Variants in BMPR1B observed in about 807,000 individuals in gnomAD.
BMPR1B encodes the protein bone morphogenetic protein receptor type-1B.
BMPR1B carries 12 observed loss-of-function variants against 59.1 expected under a neutral mutation model. That is an observed-to-expected ratio of 0.20 (90% CI 0.13 to 0.33). The LOEUF (loss-of-function observed/expected upper bound fraction) is 0.33, where lower values mean the gene tolerates loss of function less well. BMPR1B is among the 10% of genes least tolerant of loss of function. The probability of loss-of-function intolerance (pLI) is 1.00; values close to 1 mark genes in which losing one functional copy is unlikely to be tolerated. For synonymous variants in BMPR1B, 237 were observed against 207.3 expected, an observed-to-expected ratio of 1.14 and a Z score of -1.23; for missense variants, 550 against 610.9, an observed-to-expected ratio of 0.90 and a Z score of 1.05.
intron 1 of BMPR1B, among the ~76,000 whole-genome samples, chr4:94,847,922 A>G: frequency 6.6e-6 from 1 of 152,172 alleles, no homozygotes; most frequent in Non-Finnish European, 1.5e-5. Flanking sequence ...AAAGAGTATA[A>G]TTGGATTTTT....
At chr4:95,121,961 G>T (rs987351847) in intron 6 of BMPR1B, among the ~76,000 whole-genome samples, 1 of 152,132 alleles carries the variant, frequency 6.6e-6, no homozygotes, top group Non-Finnish European at 1.5e-5. Flanking sequence ...GAAGCCTTAT[G>T]GCAGAATCTT....
chr4:95,131,165 C>G lies in BMPR1B; in HGVS notation c.779-50C>G, dbSNP rs747606461. ...ATGATGTTTGAGAATATGAATTATT[C>G]CTGATACTATTTGGAAAACACTAAA... On this transcript the variant is annotated intron_variant, in intron 9 of 12. Transcript: ENST00000515059. The G allele has an allele frequency of 2.0e-6, 3 of 1,535,058 alleles. No homozygotes were observed. In the African/African-American group the frequency reaches 4.1e-5, roughly 21 times the overall value.
intron 3 of BMPR1B, among the ~76,000 whole-genome samples, chr4:95,020,929 T>C (rs1723938177): frequency 6.6e-6 from 1 of 152,262 alleles, no homozygotes; most frequent in East Asian, 1.9e-4. Context: ...TTGCCCAGGC[T>C]GATCTCAAAC....
At chr4:94,805,280 T>C (rs906100042) in intron 1 of BMPR1B, among the ~76,000 whole-genome samples, 2 of 152,178 alleles carry the variant, frequency 1.3e-5, no homozygotes, top group African/African-American at 4.8e-5. Context: ...TAAGAGCTAA[T>C]TAACTTTGTT....
At chr4:94,959,015 C>A (rs1358280355) in intron 2 of BMPR1B, among the ~76,000 whole-genome samples, 1 of 152,008 alleles carries the variant, frequency 6.6e-6, no homozygotes, top group Non-Finnish European at 1.5e-5. Context: ...GGAAAAGAGC[C>A]TGAAGTGTGG....
chr4:94,890,146 G>A (rs537231632), intron 2 of BMPR1B, among the ~76,000 whole-genome samples: 1 of 152,172 alleles, frequency 6.6e-6, no homozygotes, highest in South Asian at 2.1e-4. Flanking sequence ...ATTATGAAAT[G>A]TACTAAATCT....
At chr4:95,111,162 C>A (rs184441856) in intron 4 of BMPR1B, among the ~76,000 whole-genome samples, 2 of 152,160 alleles carry the variant, frequency 1.3e-5, no homozygotes, top group African/African-American at 4.8e-5. Context: ...CAGATAGATA[C>A]CCATCATATA....
chr4:94,781,073 T>G (rs746904289), intron 1 of BMPR1B, among the ~76,000 whole-genome samples: 2 of 152,208 alleles, frequency 1.3e-5, no homozygotes, highest in Admixed American at 1.3e-4. Flanking sequence ...TTCTGATGGC[T>G]AATGATATCA....
chr4:94,926,532 A>G (rs76360313), intron 2 of BMPR1B, among the ~76,000 whole-genome samples: 2,264 of 152,136 alleles, frequency 0.015, 51 homozygotes, highest in African/African-American at 0.052. Flanking sequence ...TTGAATGGAT[A>G]CTCTGGGGAC....
chr4:95,023,537 A>G (rs1724138619), intron 3 of BMPR1B, among the ~76,000 whole-genome samples: 1 of 121,020 alleles, frequency 8.3e-6, no homozygotes, highest in Admixed American at 9.1e-5. Context: ...ATGTGCCACC[A>G]TGCCTGGCTA....
rs368134562 is a variant in BMPR1B, at chr4:94,992,319, G to A, written c.-112-3721G>A. ...GAGAAATGCAGGATACAGCAAATCC[G>A]TCCTGAGTTTGTGAGTGCACTGTTT... On this transcript the variant is annotated intron_variant, in intron 2 of 12. Transcript: ENST00000515059. Among the ~76,000 whole-genome samples, 357 of 152,266 alleles carry A rather than the reference G, an allele frequency of 2.3e-3. 1 individual carries two copies. Among genetic ancestry groups the A allele is most frequent in the African/African-American group, 8.3e-3 (344 of 41,536 alleles).
At chr4:94,787,742 G>A (rs962976812) in intron 1 of BMPR1B, among the ~76,000 whole-genome samples, 2 of 152,048 alleles carry the variant, frequency 1.3e-5, no homozygotes, top group Admixed American at 6.6e-5. Flanking sequence ...TTGTTACAGG[G>A]GCTCTAGGCG....
At chr4:94,980,641 G>A (rs533605447) in intron 2 of BMPR1B, among the ~76,000 whole-genome samples, 6 of 152,256 alleles carry the variant, frequency 3.9e-5, no homozygotes, top group Non-Finnish European at 8.8e-5. Context: ...TGAGGTAATG[G>A]TGTCCTGTCC....
intron 3 of BMPR1B, among the ~76,000 whole-genome samples, chr4:95,001,520 G>A (rs963017904): frequency 1.3e-5 from 2 of 152,038 alleles, no homozygotes; most frequent in Admixed American, 1.3e-4. Flanking sequence ...AATAGAACAT[G>A]GCACATAGTC....
At chr4:94,929,580 TG>T (rs755841760) in intron 2 of BMPR1B, among the ~76,000 whole-genome samples, 23 of 152,248 alleles carry the variant, frequency 1.5e-4, no homozygotes, top group Non-Finnish European at 3.1e-4. Context: ...GCTGCTGCTT[TG>T]GTTCCTTTGC....
At chr4:95,017,403 T>C (rs1041150206) in intron 3 of BMPR1B, among the ~76,000 whole-genome samples, 3 of 152,154 alleles carry the variant, frequency 2.0e-5, no homozygotes, top group Non-Finnish European at 2.9e-5. Flanking sequence ...ACGAGGGACT[T>C]TTTTGCATGT....
chr4:94,904,037 A>T (rs1727934495), intron 2 of BMPR1B, among the ~76,000 whole-genome samples: 1 of 152,050 alleles, frequency 6.6e-6, no homozygotes, highest in African/African-American at 2.4e-5. Flanking sequence ...CTACATTTTA[A>T]TAGACAGTAA....
chr4:94,841,393 G>A (rs1725066253), intron 1 of BMPR1B, among the ~76,000 whole-genome samples: 2 of 151,062 alleles, frequency 1.3e-5, no homozygotes, highest in African/African-American at 4.9e-5. Flanking sequence ...ATCTCAGACT[G>A]CTGTGCTAGC....
chr4:95,023,313 C>T (rs550759241), intron 3 of BMPR1B, among the ~76,000 whole-genome samples: 56 of 152,298 alleles, frequency 3.7e-4, no homozygotes, highest in African/African-American at 1.3e-3. Context: ...ACTCTTACAT[C>T]AGACCTTTGA....
Sources: gnomAD v4.1 joint callset for allele counts (sites outside exome capture counted in the v4.1 genomes callset) on GRCh38, gnomAD v4.1.1 for gene constraint, MANE v1.5 for transcripts, NCBI Gene and HGNC (gene_info 2026-07-23, HGNC 2026-07-21) for gene names.